The following GNAI1 variants were observed in gnomAD, a reference collection of about 807,000 sequenced individuals.
GNAI1 encodes the protein guanine nucleotide-binding protein G(i) subunit alpha-1.
Under a neutral mutation model 38.9 loss-of-function variants are expected in GNAI1, and 11 were observed. That is an observed-to-expected ratio of 0.28 (90% CI 0.18 to 0.47). The LOEUF is 0.47. Ranked by LOEUF, GNAI1 falls within the 20% of genes least tolerant of loss-of-function variation. The pLI is 0.99. For synonymous variants in GNAI1, 166 were observed against 145.1 expected, an observed-to-expected ratio of 1.14 and a Z score of -1.04; for missense variants, 317 against 436.9, an observed-to-expected ratio of 0.73 and a Z score of 2.45.
chr7:80,201,954 C>T (rs1239993317), intron 4 of GNAI1, among the ~76,000 whole-genome samples: 2 of 152,122 alleles, frequency 1.3e-5, no homozygotes, highest in Non-Finnish European at 2.9e-5. Flanking sequence ...TGACTAGCCA[C>T]CAATTCACAC....
intron 4 of GNAI1, among the ~76,000 whole-genome samples, chr7:80,202,990 T>G (rs924854453): frequency 6.6e-6 from 1 of 152,232 alleles, no homozygotes; most frequent in Non-Finnish European, 1.5e-5. Flanking sequence ...TCCACATTAA[T>G]CTCTCCATAC....
chr7:80,149,217 G>A (rs181790073), intron 1 of GNAI1, among the ~76,000 whole-genome samples: 17 of 150,818 alleles, frequency 1.1e-4, no homozygotes, highest in East Asian at 9.7e-4. Flanking sequence ...AACTTTAGTG[G>A]CTATATATGT....
intron 1 of GNAI1, among the ~76,000 whole-genome samples, chr7:80,149,180 ACTTAT>A (rs1787682257): frequency 1.3e-5 from 2 of 152,096 alleles, no homozygotes; most frequent in South Asian, 4.1e-4. Flanking sequence ...TTAAATATTT[ACTTAT>A]TAAATATTTT....
At chr7:80,163,564 C>T (rs1265978502) in intron 1 of GNAI1, among the ~76,000 whole-genome samples, 1 of 152,184 alleles carries the variant, frequency 6.6e-6, no homozygotes, top group African/African-American at 2.4e-5. Flanking sequence ...AGTCCAAGTT[C>T]TGTGTTTTAC....
At chr7:80,181,062 G>GA (rs369241318) in intron 1 of GNAI1, among the ~76,000 whole-genome samples, 75 of 149,496 alleles carry the variant, frequency 5.0e-4, no homozygotes, top group Admixed American at 2.2e-3. Context: ...TTTGTGGGAG[G>GA]AAAAAAAAAT....
At chr7:80,149,940 A>C (rs1185004865) in intron 1 of GNAI1, among the ~76,000 whole-genome samples, 1 of 152,188 alleles carries the variant, frequency 6.6e-6, no homozygotes, top group Non-Finnish European at 1.5e-5. Flanking sequence ...TCACGTTAGC[A>C]TTGAAAACCT....
chr7:80,207,404 T>C (rs951767128), intron 5 of GNAI1, among the ~76,000 whole-genome samples: 11 of 152,104 alleles, frequency 7.2e-5, no homozygotes, highest in Admixed American at 7.2e-4. Flanking sequence ...TAAAGTTGAC[T>C]CTCAACATTA....
At chr7:80,188,441 G>A (rs967760471) in intron 1 of GNAI1, among the ~76,000 whole-genome samples, 6 of 152,182 alleles carry the variant, frequency 3.9e-5, no homozygotes, top group Admixed American at 1.3e-4. Flanking sequence ...TTTTATTTGA[G>A]TTGATTGACT....
At position 80,223,746 on chromosome 7, in the gene GNAI1, T is replaced by C. The variant is rs567365120; in HGVS notation, c.*6253T>C. 6.2e-4 allele frequency among the ~76,000 whole-genome samples: 94 copies of C among 152,322 alleles called. No individual in the cohort carries two copies. Among genetic ancestry groups the C allele is most frequent in the African/African-American group, 2.2e-3 (91 of 41,582 alleles). ...TTACCTTTCCGTTTTAAGTGACCAA[T>C]TGTCCTAGCAATCTACTTCACAAGG... On this transcript the variant is annotated 3_prime_UTR_variant, in exon 8 of 8. Coordinates refer to ENST00000649796, the MANE Select transcript of GNAI1 (RefSeq NM_002069.6).
rs937737541 is a variant in GNAI1 at position 80,174,554 on chromosome 7, A to G, written c.119-14397A>G. On this transcript the variant is annotated intron_variant, in intron 1 of 7. Transcript: ENST00000649796. ...TCATTAATTATAAATATTTTTTCCT[A>G]TTCTGTAGTTTGCCTTTATATTTTA... 6.0e-5 allele frequency among the ~76,000 whole-genome samples: 9 copies of G among 149,026 alleles called. No individual in the cohort carries two copies. The South Asian group carries it at 6.3e-4, about 10-fold the overall frequency.
At chr7:80,143,736 C>T (rs1310115644) in intron 1 of GNAI1, among the ~76,000 whole-genome samples, 1 of 152,052 alleles carries the variant, frequency 6.6e-6, no homozygotes, top group Non-Finnish European at 1.5e-5. Context: ...ACAAAGTAAG[C>T]TAATGCATCT....
chr7:80,173,039 A>G (rs1788123268), intron 1 of GNAI1, among the ~76,000 whole-genome samples: 1 of 152,154 alleles, frequency 6.6e-6, no homozygotes, highest in Non-Finnish European at 1.5e-5. Context: ...AAGCAAAATG[A>G]GGCCAGAAGA....
intron 1 of GNAI1, chr7:80,135,976 C>T (rs1787407450): frequency 1.0e-6 from 1 of 985,136 alleles, no homozygotes; most frequent in Non-Finnish European, 1.2e-6. Context: ...GGCAGATACT[C>T]GAGTGGTGAA....
At position 80,135,067 on chromosome 7, in the gene GNAI1, C is replaced by T. The variant is rs886964019; in HGVS notation, c.-94C>T. 65 of 808,822 alleles carry T rather than the reference C, an allele frequency of 8.0e-5. No homozygotes were observed. The highest frequency in any genetic ancestry group is 1.1e-4 in the Non-Finnish European group (60 of 570,436). The allele number at this position is 808,822 out of a possible 1,614,324, so 50.1% of individuals were successfully genotyped here. On this transcript the variant is annotated 5_prime_UTR_variant, in exon 1 of 8. Transcript: ENST00000649796. ...GGCGTGGCCCCCGTCGGGAGGCGTTCGAACGCCCGCTAGGAGAGAGAAAGG... is the reference window on the plus strand; with the variant it reads ...GGCGTGGCCCCCGTCGGGAGGCGTTTGAACGCCCGCTAGGAGAGAGAAAGG...
chr7:80,176,936 CAAAA>C (rs374205117), intron 1 of GNAI1, among the ~76,000 whole-genome samples: 28 of 71,254 alleles, frequency 3.9e-4, no homozygotes, highest in African/African-American at 9.6e-4. Flanking sequence ...GACTCTGTCT[CAAAA>C]AAAAAAAAAA....
rs1018076067 is a variant in GNAI1, at chr7:80,134,888, A to G, written c.-273A>G. On this transcript the variant is annotated 5_prime_UTR_variant, in exon 1 of 8. Coordinates refer to ENST00000649796, the MANE Select transcript of GNAI1 (RefSeq NM_002069.6). The stretch of plus-strand genomic sequence containing the variant: ...GGCCACCGGCGGGAGTGCAGCGGCC[A>G]CTGTACCCAGAGATTCAAAACCCCA... 7.9e-5 allele frequency: 23 copies of G among 289,724 alleles called. No homozygotes were observed. Among genetic ancestry groups the G allele is most frequent in the Non-Finnish European group, 1.3e-4 (20 of 157,338 alleles). 17.9% of individuals were successfully genotyped at this position (289,724 alleles called of 1,614,324 possible). A position where few individuals can be genotyped will look rare whatever the true frequency, so the allele number is the denominator to read the frequency against.
chr7:80,203,104 A>G (rs1433791232), intron 4 of GNAI1, among the ~76,000 whole-genome samples: 1 of 152,204 alleles, frequency 6.6e-6, no homozygotes, highest in Admixed American at 6.5e-5. Context: ...ATATCACAAC[A>G]TATGTAGCAC....
At chr7:80,178,835 ATCG>A (rs1562833431) in intron 1 of GNAI1, among the ~76,000 whole-genome samples, 1 of 152,178 alleles carries the variant, frequency 6.6e-6, no homozygotes, top group African/African-American at 2.4e-5. Flanking sequence ...CTTCATAGAA[ATCG>A]TTTCAGATTC....
chr7:80,170,197 C>G (rs371319187), intron 1 of GNAI1, among the ~76,000 whole-genome samples: 19 of 152,206 alleles, frequency 1.2e-4, no homozygotes, highest in African/African-American at 4.3e-4. Context: ...GAGTGTTTAA[C>G]CTTTTGAATA....
Sources: allele counts gnomAD v4.1 joint callset (sites outside exome capture counted in the v4.1 genomes callset), GRCh38; gene constraint gnomAD v4.1.1; transcripts MANE v1.5; gene names NCBI Gene and HGNC (gene_info 2026-07-23, HGNC 2026-07-21).